The following EIF4E3 variants were observed in gnomAD, a reference collection of about 807,000 sequenced individuals.
EIF4E3 encodes the protein eukaryotic translation initiation factor 4E type 3.
In EIF4E3, 26 loss-of-function variants were observed where a neutral mutation model predicts 31.7. That is an observed-to-expected ratio of 0.82 (90% CI 0.60 to 1.14). EIF4E3 has a LOEUF of 1.14. EIF4E3 is among the 50% of genes most tolerant of loss of function. The pLI is 0.00. For missense variants in EIF4E3, 304 were observed against 270.9 expected, an observed-to-expected ratio of 1.12 and a Z score of -0.86; for synonymous variants, 128 against 107.7, an observed-to-expected ratio of 1.19 and a Z score of -1.17.
At chr3:71,712,644 G>GGGGGGGGGGGGGGGGGGGC (rs35405190) in intron 1 of EIF4E3, among the ~76,000 whole-genome samples, 16 of 123,986 alleles carry the variant, frequency 1.3e-4, no homozygotes, top group African/African-American at 1.9e-4. Flanking sequence ...GTGGGCGGGG[G>GGGGGGGGGGGGGGGGGGGC]AGATTCTAGG....
intron 2 of EIF4E3, among the ~76,000 whole-genome samples, chr3:71,707,305 A>C (rs2049307267): frequency 6.6e-6 from 1 of 152,244 alleles, no homozygotes; most frequent in African/African-American, 2.4e-5. Flanking sequence ...CAAGCTAGTA[A>C]GTGTCACATA....
chr3:71,746,472 G>A (rs1017003214), intron 1 of EIF4E3, among the ~76,000 whole-genome samples: 3 of 152,188 alleles, frequency 2.0e-5, no homozygotes, highest in Non-Finnish European at 2.9e-5. Flanking sequence ...CAATCCTTAT[G>A]CACATGATCA....
At chr3:71,707,949 A>C (rs1222627939) in intron 2 of EIF4E3, among the ~76,000 whole-genome samples, 1 of 150,192 alleles carries the variant, frequency 6.7e-6, no homozygotes, top group African/African-American at 2.5e-5. Context: ...AGGGCAGTGC[A>C]ATCTCAGCTC....
At chr3:71,701,587 G>C (rs2049217238) in intron 2 of EIF4E3, among the ~76,000 whole-genome samples, 1 of 152,208 alleles carries the variant, frequency 6.6e-6, no homozygotes, top group East Asian at 1.9e-4. Flanking sequence ...GGGTCTCCCA[G>C]TAGGTCTGAG....
chr3:71,720,257 G>A (rs575629449), intron 1 of EIF4E3, among the ~76,000 whole-genome samples: 12 of 151,786 alleles, frequency 7.9e-5, no homozygotes, highest in Admixed American at 3.3e-4. Flanking sequence ...ATAGTTCACC[G>A]CATCCTCAAA....
intron 6 of EIF4E3, among the ~76,000 whole-genome samples, chr3:71,685,074 T>A (rs1470601725): frequency 6.6e-6 from 1 of 152,034 alleles, no homozygotes; most frequent in Non-Finnish European, 1.5e-5. Flanking sequence ...CAAAATGCAT[T>A]GCAGGGGGTG....
chr3:71,717,108 A>G (rs879164286), intron 1 of EIF4E3, among the ~76,000 whole-genome samples: 1 of 152,216 alleles, frequency 6.6e-6, no homozygotes, highest in Admixed American at 6.5e-5. Context: ...CAAAGTAAAG[A>G]AGCTGAAACG....
chr3:71,724,993 G>C (rs375045227), intron 1 of EIF4E3, among the ~76,000 whole-genome samples, 199 bp downstream of exon 1: 1 of 152,070 alleles, frequency 6.6e-6, no homozygotes, highest in African/African-American at 2.4e-5. Context: ...CGAGGACGCC[G>C]AACAGCCGCC....
chr3:71,727,722 G>A (rs62246335), upstream of EIF4E3, among the ~76,000 whole-genome samples: 696 of 152,244 alleles, frequency 4.6e-3, 1 homozygote, highest in Admixed American at 0.01. Context: ...TTATATTTAC[G>A]AAGTGACACA....
At chr3:71,730,740 GT>G (rs372676816) in intron 1 of EIF4E3, among the ~76,000 whole-genome samples, 1 of 149,380 alleles carries the variant, frequency 6.7e-6, no homozygotes, top group South Asian at 2.1e-4. Flanking sequence ...TATTGTTGTT[GT>G]TTTTTTTGAG....
chr3:71,725,508 C>G, upstream of EIF4E3: 1 of 390,126 alleles, frequency 2.6e-6, no homozygotes, highest in Non-Finnish European at 3.4e-6. The surrounding 1 kb of genome is among the most constrained non-coding windows in gnomAD (Gnocchi z 6.1). Context: ...CCGCCCGCCG[C>G]CCGCCGCCTT....
chr3:71,684,682 T>C lies in EIF4E3; in HGVS notation c.675A>G (p.Ter225=), dbSNP rs750498700. ...HAFEGGRGKH[*] is the part of the protein sequence containing the mutation. The stretch of plus-strand genomic sequence containing the variant: ...ACAAAGAATTCTTTACAGAGTGCAA[T>C]TAGTGTTTTCCACGTCCACCTTCAA... Residue 225 remains the stop codon, a stop_retained_variant, in exon 7 of 7, where the codon TAA becomes TAG. Coordinates refer to ENST00000425534, the MANE Select transcript of EIF4E3 (RefSeq NM_001134651.2). 6.2e-7 allele frequency: 1 copy of C among 1,613,920 alleles called. No individual in the cohort carries two copies. The highest frequency in any genetic ancestry group is 1.1e-5 in the South Asian group (1 of 91,080).
chr3:71,729,866 G>A (rs557861085), upstream of EIF4E3, among the ~76,000 whole-genome samples: 4 of 148,322 alleles, frequency 2.7e-5, no homozygotes, highest in African/African-American at 7.5e-5. Context: ...AATGGGTGGC[G>A]GAACTCATTG....
chr3:71,728,341 G>A (rs80123669), upstream of EIF4E3: 7,462 of 152,298 alleles, frequency 0.049, 258 homozygotes, highest in African/African-American at 0.09. Flanking sequence ...AATAAATTGG[G>A]GAAATTTCCC....
intron 3 of EIF4E3, 51 bp from the exon 4 acceptor site, chr3:71,696,571 C>T (rs2049140284): frequency 1.3e-6 from 2 of 1,591,430 alleles, no homozygotes; most frequent in Non-Finnish European, 1.7e-6. Flanking sequence ...AGTGATTCTA[C>T]ATACAGTTAG....
At chr3:71,718,148 C>T (rs1215649446) in intron 1 of EIF4E3, among the ~76,000 whole-genome samples, 4 of 152,334 alleles carry the variant, frequency 2.6e-5, no homozygotes, top group East Asian at 1.9e-4. Flanking sequence ...TTTACAACAT[C>T]GGGCTCAGCT....
At chr3:71,669,178 T>G in the EIF4E3 span, among the ~76,000 whole-genome samples, 12 of 139,300 alleles carry the variant, frequency 8.6e-5, no homozygotes, top group African/African-American at 3.2e-4. Context: ...TTCTCACTTA[T>G]AAGTGGGAGT....
intron 1 of EIF4E3, among the ~76,000 whole-genome samples, chr3:71,738,829 T>C (rs1559613194): frequency 6.6e-6 from 1 of 151,654 alleles, no homozygotes. Context: ...TATAGCACTT[T>C]AGCAGAACAC....
intron 1 of EIF4E3, among the ~76,000 whole-genome samples, chr3:71,716,531 C>A (rs1354308216): frequency 2.0e-5 from 3 of 152,336 alleles, no homozygotes; most frequent in Admixed American, 6.5e-5. Flanking sequence ...CCGTGCCCGG[C>A]CCATTTTATC....
Sources: allele counts gnomAD v4.1 joint callset (sites outside exome capture counted in the v4.1 genomes callset), GRCh38; gene constraint gnomAD v4.1.1; non-coding constraint Gnocchi (gnomAD v3.1); transcripts MANE v1.5; gene names NCBI Gene and HGNC (gene_info 2026-07-23, HGNC 2026-07-21).